Variants in SOD2 observed in about 807,000 individuals in gnomAD.
The protein encoded by SOD2 is superoxide dismutase 2.
Under a neutral mutation model 27.0 loss-of-function variants are expected in SOD2, and 11 were observed. The observed-to-expected ratio is 0.41, with a 90% CI of 0.26 to 0.67. The LOEUF is 0.67. SOD2 is among the 30% of genes least tolerant of loss of function. SOD2 has a pLI of 0.34. For missense variants in SOD2, 250 were observed against 274.5 expected (o/e 0.91, Z 0.63); for synonymous variants, 105 against 103.0 (o/e 1.02, Z -0.12).
intron 1 of SOD2, among the ~76,000 whole-genome samples, chr6:159,704,101 C>T (rs577904265): frequency 1.2e-3 from 178 of 152,290 alleles, no homozygotes; most frequent in African/African-American, 3.9e-3. Flanking sequence ...CTGGCCAACA[C>T]GGTGAAACCC....
At chr6:159,747,217 A>G (rs1164731475), upstream of SOD2, among the ~76,000 whole-genome samples, 1 of 152,198 alleles carries the variant, frequency 6.6e-6, no homozygotes, top group Non-Finnish European at 1.5e-5. Context: ...ACTATATTTC[A>G]TATTTTAGAA....
chr6:159,719,314 G>T (rs1388955192), intron 1 of SOD2, among the ~76,000 whole-genome samples: 1 of 152,128 alleles, frequency 6.6e-6, no homozygotes, highest in Non-Finnish European at 1.5e-5. Flanking sequence ...CACGAGGTCA[G>T]GAGTTCAAGA....
In SOD2 at chr6:159,684,839, A is replaced by G; in HGVS notation, c.523+15T>C. 1 of 1,597,334 alleles carries G rather than the reference A, an allele frequency of 6.3e-7. No individual in the cohort carries two copies. Among genetic ancestry groups the G allele is most frequent in the Non-Finnish European group, 8.5e-7 (1 of 1,170,248 alleles). ...AGCATCTCTCCCAAATGAAATCACA[A>G]TTTTTAAATCTAACCTGTTGTTCCT... On this transcript the variant is annotated intron_variant, in intron 4 of 4. Transcript: ENST00000538183.
intron 1 of SOD2, among the ~76,000 whole-genome samples, chr6:159,699,373 A>G (rs1475579311): frequency 6.6e-6 from 1 of 152,136 alleles, no homozygotes; most frequent in African/African-American, 2.4e-5. Flanking sequence ...GGCCCAGCTC[A>G]TTCTTCCCAA....
rs1475683563 is a variant in SOD2 at position 159,673,250 on chromosome 6, T to A, written c.*9243A>T. 2 of 152,168 alleles carry A rather than the reference T, an allele frequency of 1.3e-5. No individual in the cohort carries two copies. The highest frequency in any genetic ancestry group is 1.5e-5 in the Non-Finnish European group (1 of 68,026). 9.4% of individuals were successfully genotyped at this position (152,168 alleles called of 1,614,324 possible). On this transcript the variant is annotated 3_prime_UTR_variant, in exon 5 of 5. Coordinates refer to ENST00000538183, the MANE Select transcript of SOD2 (RefSeq NM_000636.4). ...AATTCAGCTCTGCACCAAGCAGACC[T>A]AATAGACATCTACAGAACTCTCCAC... is the stretch of plus-strand genomic sequence containing the variant.
chr6:159,739,126 A>C, intron 1 of SOD2: 1 of 1,183,700 alleles, frequency 8.4e-7, no homozygotes, highest in Non-Finnish European at 1.2e-6. Context: ...TCTTTGTGCC[A>C]GATATTGTTT....
chr6:159,722,506 C>G (rs1778061473), intron 1 of SOD2, among the ~76,000 whole-genome samples: 1 of 152,176 alleles, frequency 6.6e-6, no homozygotes, highest in African/African-American at 2.4e-5. Flanking sequence ...TAGTTTCCCT[C>G]TTCTCATTCT....
chr6:159,740,893 G>A (rs141909978), intron 1 of SOD2, among the ~76,000 whole-genome samples: 3 of 151,980 alleles, frequency 2.0e-5, no homozygotes, highest in African/African-American at 4.8e-5. Context: ...CAGTAGAGAC[G>A]GGATTTCACT....
Position 159,676,918 on chromosome 6 carries a change from A to T in SOD2, c.*5575T>A, listed in dbSNP as rs918874550. The T allele has an allele frequency of 6.6e-6, 1 of 152,032 alleles. No homozygotes were observed. 9.4% of individuals were successfully genotyped at this position (152,032 alleles called of 1,614,324 possible). ...CAGTACCTAATTCAATGTTCTTTCC[A>T]TGCCCACACAAAGGCAAGCAGCAGA... On this transcript the variant is annotated 3_prime_UTR_variant, in exon 5 of 5. Coordinates refer to ENST00000538183, the MANE Select transcript of SOD2 (RefSeq NM_000636.4).
chr6:159,708,997 C>CA (rs1275479384), intron 1 of SOD2, among the ~76,000 whole-genome samples: 1 of 152,102 alleles, frequency 6.6e-6, no homozygotes, highest in African/African-American at 2.4e-5. Flanking sequence ...AGAAACCTGA[C>CA]AAAAACAAGC....
At chr6:159,755,586 T>C (rs1442684367) in intron 1 of SOD2, 6 of 1,612,954 alleles carry the variant, frequency 3.7e-6, no homozygotes, top group Admixed American at 1.7e-5. Flanking sequence ...GACTCAAGTG[T>C]AAATGTACAG....
At position 159,711,898 on chromosome 6, in the gene SOD2, TCACA is replaced by T. The variant is rs1562437779; in HGVS notation, c.-116+15227_-116+15230del. ...CTGCTCTGATCTCCATAACCACCAC[TCACA>T]TTGCTCTGATCACCATAACCACCTC... is the stretch of plus-strand genomic sequence containing the variant. On this transcript the variant is annotated intron_variant, in intron 1 of 2. Transcript: ENST00000401980. 1.3e-4 allele frequency among the ~76,000 whole-genome samples: 14 copies of T among 108,944 alleles called. 3 individuals carry two copies. The East Asian group carries it at 2.8e-3, about 22-fold the overall frequency. 71.5% of individuals were successfully genotyped at this position (108,944 alleles called of 152,430 possible).
chr6:159,712,923 A>G, intron 1 of SOD2: 5 of 649,560 alleles, frequency 7.7e-6, no homozygotes, highest in South Asian at 7.2e-5. Flanking sequence ...GCATTTAAAA[A>G]GGTCTCCCTG....
At chr6:159,698,153 G>T (rs1043528556), upstream of SOD2, among the ~76,000 whole-genome samples, 3 of 152,088 alleles carry the variant, frequency 2.0e-5, no homozygotes, top group African/African-American at 7.2e-5. Flanking sequence ...CGCACCTGTA[G>T]TCCCAGCTAC....
At chr6:159,727,530 G>C, upstream of SOD2, 2 of 992,194 alleles carry the variant, frequency 2.0e-6, no homozygotes, top group Non-Finnish European at 2.4e-6. Context: ...TTTTGTGGCA[G>C]CGAGACCCAC....
upstream of SOD2, among the ~76,000 whole-genome samples, chr6:159,747,515 C>CTTTTA (rs1779643976): frequency 2.6e-5 from 4 of 152,076 alleles, no homozygotes; most frequent in African/African-American, 4.8e-5. Flanking sequence ...GCTTAAGGTC[C>CTTTTA]TATAGAGTTT....
At chr6:159,720,847 C>CATT (rs1778022440) in intron 1 of SOD2, among the ~76,000 whole-genome samples, 3 of 59,946 alleles carry the variant, frequency 5.0e-5, no homozygotes, top group Non-Finnish European at 8.8e-5. Context: ...TTTTCTTTAC[C>CATT]TTTTTTTTTT....
upstream of SOD2, chr6:159,727,590 C>T (rs1345098024): frequency 6.1e-6 from 6 of 986,776 alleles, no homozygotes; most frequent in East Asian, 5.7e-4. Flanking sequence ...CGCGGCGGGG[C>T]CGGCGGCAGA....
chr6:159,742,290 A>C (rs747988627), intron 1 of SOD2: 152 of 622,058 alleles, frequency 2.4e-4, no homozygotes, highest in Middle Eastern at 4.5e-4. Flanking sequence ...TGTTGGGTGC[A>C]AGAAAATATA....
Sources: gnomAD v4.1 joint callset for allele counts (sites outside exome capture counted in the v4.1 genomes callset) on GRCh38, gnomAD v4.1.1 for gene constraint, MANE v1.5 for transcripts, NCBI Gene and HGNC (gene_info 2026-07-23, HGNC 2026-07-21) for gene names.